The following LIMCH1 variants were observed in gnomAD, a reference collection of about 807,000 sequenced individuals.
LIMCH1 encodes the protein LIM and calponin homology domains-containing protein 1.
In LIMCH1, 113 loss-of-function variants were observed where a neutral mutation model predicts 176.5. The ratio of observed to expected loss-of-function variants is 0.64; its 90% CI spans 0.55 to 0.75. The LOEUF is 0.75. LIMCH1 is among the 30% of genes least tolerant of loss of function. LIMCH1 has a pLI of 0.00. For missense variants in LIMCH1, 1,674 were observed against 1,814.9 expected (o/e 0.92, Z 1.41); for synonymous variants, 619 against 645.9 (o/e 0.96, Z 0.63).
At chr4:41,476,133 G>A (rs144013220) in intron 1 of LIMCH1, among the ~76,000 whole-genome samples, 1 of 152,180 alleles carries the variant, frequency 6.6e-6, no homozygotes, top group South Asian at 2.1e-4. Flanking sequence ...TCTCACACCT[G>A]GCCCTCACAA....
At chr4:41,683,226 ATAACCAAC>A (rs1717742231) in intron 26 of LIMCH1, among the ~76,000 whole-genome samples, 1 of 152,176 alleles carries the variant, frequency 6.6e-6, no homozygotes, top group Admixed American at 6.5e-5. Context: ...AATATAAAGC[ATAACCAAC>A]TAATTAACTG....
chr4:41,527,822 CAAAAAAAAAAA>C (rs34651693), intron 3 of LIMCH1, among the ~76,000 whole-genome samples: 2 of 47,122 alleles, frequency 4.2e-5, no homozygotes, highest in East Asian at 7.7e-4. Context: ...GACTCCGTCT[CAAAAAAAAAAA>C]AAAAAAAAAA....
intron 1 of LIMCH1, among the ~76,000 whole-genome samples, chr4:41,441,555 C>T (rs2062703586): frequency 6.6e-6 from 1 of 152,078 alleles, no homozygotes; most frequent in Non-Finnish European, 1.5e-5. Context: ...TCTTCCTCCC[C>T]ACCCTCAACG....
At chr4:41,529,527 A>G (rs981491568) in intron 3 of LIMCH1, among the ~76,000 whole-genome samples, 2 of 152,172 alleles carry the variant, frequency 1.3e-5, no homozygotes, top group Non-Finnish European at 2.9e-5. Flanking sequence ...GACATCTTAG[A>G]TGTGTTTGTT....
At chr4:41,578,310 C>T (rs577702931) in intron 1 of LIMCH1, among the ~76,000 whole-genome samples, 1 of 152,266 alleles carries the variant, frequency 6.6e-6, no homozygotes, top group African/African-American at 2.4e-5. Context: ...AGAACTCTCT[C>T]ATTATCATGA....
At chr4:41,686,859 C>G (rs1199063255) in intron 28 of LIMCH1, among the ~76,000 whole-genome samples, 1 of 152,198 alleles carries the variant, frequency 6.6e-6, no homozygotes, top group Non-Finnish European at 1.5e-5. Flanking sequence ...TATCCAGTTT[C>G]ATTTCTATTT....
At position 41,677,159 on chromosome 4, in the gene LIMCH1, T is replaced by TA. The variant is rs749513054; in HGVS notation, c.3519+710dup. On this transcript the variant is annotated intron_variant, in intron 23 of 31. Transcript: ENST00000503057. Reference sequence around the variant, plus strand: ...ACCTAGACAACAGAGTGAGAATGTCTAAAAAAAAAAAAAGCCGATGTGAGT... The same window carrying TA: ...ACCTAGACAACAGAGTGAGAATGTCTAAAAAAAAAAAAAAGCCGATGTGAGT... Among the ~76,000 whole-genome samples the TA allele has an allele frequency of 4.5e-3, 536 of 118,810 alleles. 2 individuals are homozygous for TA. Among genetic ancestry groups the TA allele is most frequent in the East Asian group, 0.016 (64 of 4,058 alleles). The allele number at this position is 118,810 out of a possible 152,430, so 77.9% of individuals were successfully genotyped here.
At chr4:41,527,683 C>T (rs1278829746) in intron 3 of LIMCH1, among the ~76,000 whole-genome samples, 1 of 152,026 alleles carries the variant, frequency 6.6e-6, no homozygotes, top group Non-Finnish European at 1.5e-5. Context: ...ATTAGCCAGG[C>T]GCGGTGGTGG....
intron 1 of LIMCH1, among the ~76,000 whole-genome samples, chr4:41,489,559 T>A (rs906957011): frequency 2.3e-4 from 35 of 152,210 alleles, no homozygotes; most frequent in African/African-American, 8.0e-4. Context: ...TTAAGAATTA[T>A]GTTATTTAGT....
At chr4:41,605,758 A>C in intron 3 of LIMCH1, 136 bp from the exon 4 acceptor site, 1 of 560,686 alleles carries the variant, frequency 1.8e-6, no homozygotes, top group Non-Finnish European at 3.3e-6. Flanking sequence ...TGGATACCTC[A>C]TGGGTGGTGG....
chr4:41,396,261 A>G (rs533243273), intron 1 of LIMCH1, among the ~76,000 whole-genome samples: 2 of 152,356 alleles, frequency 1.3e-5, no homozygotes, highest in East Asian at 3.9e-4. Flanking sequence ...TTGTTTCAAC[A>G]TGTAAACTTT....
rs774677743 is a variant in LIMCH1, at chr4:41,657,708, G to A, written c.3037-3712G>A. Among the ~76,000 whole-genome samples, 13 of 152,246 alleles carry A rather than the reference G, an allele frequency of 8.5e-5. No individual in the cohort carries two copies. The Middle Eastern group carries it at 0.01, about 120-fold the overall frequency. On this transcript the variant is annotated intron_variant, in intron 18 of 31. Transcript: ENST00000503057. ...GATGACTAGCATACATTTAAACTAA[G>A]CCTGAGAGTATACATTCCATAAATA...
chr4:41,567,846 G>A (rs2082974025), intron 1 of LIMCH1, among the ~76,000 whole-genome samples: 1 of 152,102 alleles, frequency 6.6e-6, no homozygotes, highest in South Asian at 2.1e-4. Flanking sequence ...CACCTCCCAG[G>A]TAATGTCCTT....
chr4:41,444,220 T>C (rs895670080), intron 1 of LIMCH1, among the ~76,000 whole-genome samples: 1 of 151,924 alleles, frequency 6.6e-6, no homozygotes, highest in African/African-American at 2.4e-5. Context: ...CTGTTTTTAC[T>C]ACTCCTAAAC....
At chr4:41,590,283 G>T (rs1379355148) in intron 1 of LIMCH1, among the ~76,000 whole-genome samples, 2 of 152,030 alleles carry the variant, frequency 1.3e-5, no homozygotes, top group African/African-American at 4.8e-5. Context: ...TAGAGATAAG[G>T]TTTCGCCACA....
At chr4:41,628,774 G>A (rs1392595993) in intron 8 of LIMCH1, among the ~76,000 whole-genome samples, 1 of 152,100 alleles carries the variant, frequency 6.6e-6, no homozygotes, top group African/African-American at 2.4e-5. Context: ...GGAGAACAAT[G>A]GAAAATATCA....
chr4:41,638,275 G>T (rs942462481), intron 13 of LIMCH1, among the ~76,000 whole-genome samples: 3 of 151,990 alleles, frequency 2.0e-5, no homozygotes, highest in African/African-American at 7.2e-5. Context: ...GAATATAAAA[G>T]ATTAGAAAAA....
intron 20 of LIMCH1, among the ~76,000 whole-genome samples, chr4:41,666,091 G>T (rs2094812354): frequency 1.3e-5 from 2 of 152,082 alleles, no homozygotes. Context: ...TTTGTGGGGG[G>T]TTATGTAATG....
chr4:41,452,013 T>C (rs2063947517), intron 1 of LIMCH1, among the ~76,000 whole-genome samples: 1 of 152,180 alleles, frequency 6.6e-6, no homozygotes, highest in South Asian at 2.1e-4. Flanking sequence ...ATAAACTCTT[T>C]CTTCTTTTCT....
Sources: allele counts gnomAD v4.1 joint callset (sites outside exome capture counted in the v4.1 genomes callset), GRCh38; gene constraint gnomAD v4.1.1; transcripts MANE v1.5; gene names NCBI Gene and HGNC (gene_info 2026-07-23, HGNC 2026-07-21).